Variants in ADGRL3 observed in about 807,000 individuals in gnomAD.
ADGRL3 encodes calcium-independent alpha-latrotoxin receptor 3.
A neutral mutation model predicts 153.5 loss-of-function variants in ADGRL3; 62 were observed. That is an observed-to-expected ratio of 0.40 (90% CI 0.33 to 0.50). The LOEUF is 0.50. ADGRL3 is among the 20% of genes least tolerant of loss of function. ADGRL3 has a pLI of 0.47. For synonymous variants in ADGRL3, 710 were observed against 672.5 expected, an observed-to-expected ratio of 1.06 and a Z score of -0.86; for missense variants, 1,641 against 1,859.4, an observed-to-expected ratio of 0.88 and a Z score of 2.16.
intron 4 of ADGRL3, among the ~76,000 whole-genome samples, chr4:61,578,220 A>G (rs67715018): frequency 0.16 from 24,433 of 151,986 alleles, 2,496 homozygotes; most frequent in Non-Finnish European, 0.23. Flanking sequence ...TCTTATCTCT[A>G]TGACTTTCTC....
chr4:61,757,150 A>G (rs60822706), intron 8 of ADGRL3, among the ~76,000 whole-genome samples: 13,256 of 152,110 alleles, frequency 0.087, 1,224 homozygotes, highest in African/African-American at 0.23. Context: ...GAGTTAGGGA[A>G]GATTCCCTCT....
chr4:61,266,530 G>A (rs2092857091), intron 1 of ADGRL3, among the ~76,000 whole-genome samples: 2 of 151,754 alleles, frequency 1.3e-5, no homozygotes, highest in African/African-American at 4.8e-5. Flanking sequence ...CTTACTGGAT[G>A]TTTGTGGACA....
At chr4:61,507,069 C>A (rs572868167) in intron 3 of ADGRL3, among the ~76,000 whole-genome samples, 1 of 152,256 alleles carries the variant, frequency 6.6e-6, no homozygotes, top group African/African-American at 2.4e-5. Flanking sequence ...CAGAACTAAT[C>A]TTTAGTAGAG....
rs1368760305 is a variant in ADGRL3 at position 61,768,739 on chromosome 4, G to A, written c.1399+35185G>A. On this transcript the variant is annotated intron_variant, in intron 8 of 26. Coordinates refer to ENST00000683033, the MANE Select transcript of ADGRL3 (RefSeq NM_001387552.1). ...TAAGGGAGAAGAAAGAGGAATGGAA[G>A]GTGGAAGCTTGCCCATAGTGAAGGA... 2.7e-5 allele frequency among the ~76,000 whole-genome samples: 4 copies of A among 150,582 alleles called. No homozygotes were observed. In the East Asian group the frequency reaches 7.9e-4, roughly 30 times the overall value.
chr4:61,710,697 T>C (rs2095959052), intron 6 of ADGRL3, among the ~76,000 whole-genome samples: 1 of 152,212 alleles, frequency 6.6e-6, no homozygotes, highest in Non-Finnish European at 1.5e-5. Context: ...AGAATCTTGG[T>C]TGTTCTCTTG....
intron 21 of ADGRL3, among the ~76,000 whole-genome samples, chr4:62,025,650 T>G (rs2151437147): frequency 6.6e-6 from 1 of 152,292 alleles, no homozygotes; most frequent in South Asian, 2.1e-4. Flanking sequence ...TAGTATATAT[T>G]ACCTGTTTTT....
chr4:61,436,209 A>G (rs751645903), intron 2 of ADGRL3, among the ~76,000 whole-genome samples: 1 of 152,146 alleles, frequency 6.6e-6, no homozygotes, highest in Non-Finnish European at 1.5e-5. Flanking sequence ...TTGTTGGGCA[A>G]GTTATTTCTA....
At chr4:61,436,176 T>C (rs2097443135) in intron 2 of ADGRL3, among the ~76,000 whole-genome samples, 1 of 152,162 alleles carries the variant, frequency 6.6e-6, no homozygotes, top group South Asian at 2.1e-4. Context: ...GCATTACATT[T>C]ATTGTAAAAC....
intron 2 of ADGRL3, among the ~76,000 whole-genome samples, chr4:61,446,845 T>C (rs2097588308): frequency 1.3e-5 from 2 of 152,188 alleles, no homozygotes; most frequent in Admixed American, 6.5e-5. Context: ...CCCTACTTGC[T>C]ATAGAAGAGT....
chr4:61,715,041 A>G (rs1487110926), intron 6 of ADGRL3, among the ~76,000 whole-genome samples: 1 of 152,190 alleles, frequency 6.6e-6, no homozygotes, highest in East Asian at 1.9e-4. Context: ...TTACATAACC[A>G]TTCAGAGATC....
intron 5 of ADGRL3, among the ~76,000 whole-genome samples, chr4:61,595,666 G>A (rs1379318649): frequency 6.6e-6 from 1 of 152,146 alleles, no homozygotes; most frequent in African/African-American, 2.4e-5. Context: ...AGCTGTGCCA[G>A]GTGGTGTCTT....
At chr4:61,625,356 C>T (rs2092769160) in intron 5 of ADGRL3, among the ~76,000 whole-genome samples, 1 of 151,962 alleles carries the variant, frequency 6.6e-6, no homozygotes. Context: ...ACTACATGAA[C>T]TTAATGTATA....
At chr4:61,750,519 C>T (rs1218894222) in intron 8 of ADGRL3, among the ~76,000 whole-genome samples, 3 of 152,092 alleles carry the variant, frequency 2.0e-5, no homozygotes, top group Non-Finnish European at 4.4e-5. Context: ...CGGCCGGGCG[C>T]GGTGGCTCAC....
At chr4:61,571,873 C>G (rs182516189) in intron 4 of ADGRL3, among the ~76,000 whole-genome samples, 50 of 152,220 alleles carry the variant, frequency 3.3e-4, no homozygotes, top group African/African-American at 1.1e-3. Flanking sequence ...AGTTTTTGGA[C>G]AAGAATCACA....
intron 6 of ADGRL3, among the ~76,000 whole-genome samples, chr4:61,705,446 CAT>C (rs2095840969): frequency 6.7e-6 from 1 of 148,264 alleles, no homozygotes; most frequent in East Asian, 2.0e-4. Flanking sequence ...TTATATGTTA[CAT>C]ATATATTTAT....
intron 8 of ADGRL3, among the ~76,000 whole-genome samples, chr4:61,765,970 C>T (rs988626976): frequency 3.3e-5 from 5 of 152,032 alleles, no homozygotes; most frequent in African/African-American, 7.3e-5. Context: ...TTCTAAGAGG[C>T]GGGCTAGTGG....
At chr4:61,432,847 T>G (rs1049373911) in intron 2 of ADGRL3, among the ~76,000 whole-genome samples, 5 of 151,614 alleles carry the variant, frequency 3.3e-5, no homozygotes, top group African/African-American at 4.8e-5. Context: ...CAGATGGGGT[T>G]TCTCCATGTT....
At chr4:62,024,359 G>T (rs1717089144) in intron 21 of ADGRL3, among the ~76,000 whole-genome samples, 1 of 152,014 alleles carries the variant, frequency 6.6e-6, no homozygotes, top group Non-Finnish European at 1.5e-5. Flanking sequence ...AAATGTTTGT[G>T]ATGTATTCTA....
chr4:61,522,803 G>A (rs1418826699), intron 4 of ADGRL3, among the ~76,000 whole-genome samples: 1 of 152,048 alleles, frequency 6.6e-6, no homozygotes, highest in African/African-American at 2.4e-5. Flanking sequence ...ATCACCTCAC[G>A]TCTTATCCTT....
Sources: gnomAD v4.1 joint callset for allele counts (sites outside exome capture counted in the v4.1 genomes callset) on GRCh38, gnomAD v4.1.1 for gene constraint, MANE v1.5 for transcripts, NCBI Gene and HGNC (gene_info 2026-07-23, HGNC 2026-07-21) for gene names.